The following STAG1 variants were observed in gnomAD, a reference collection of about 807,000 sequenced individuals.
STAG1 encodes the protein STAG1 cohesin complex component.
A neutral mutation model predicts 170.9 loss-of-function variants in STAG1; 26 were observed. The ratio of observed to expected loss-of-function variants is 0.15; its 90% CI spans 0.11 to 0.21. The LOEUF is 0.21. STAG1 is among the 10% of genes least tolerant of loss of function. STAG1 has a pLI of 1.00. For missense variants in STAG1, 964 were observed against 1,509.5 expected, an observed-to-expected ratio of 0.64 and a Z score of 5.99; for synonymous variants, 514 against 497.7, an observed-to-expected ratio of 1.03 and a Z score of -0.44.
At chr3:136,531,150 C>T (rs981789586) in intron 6 of STAG1, among the ~76,000 whole-genome samples, 3 of 151,712 alleles carry the variant, frequency 2.0e-5, no homozygotes, top group Middle Eastern at 3.2e-3. Flanking sequence ...CCAAAAAACA[C>T]ATGAAAAAAT....
intron 14 of STAG1, among the ~76,000 whole-genome samples, chr3:136,451,208 G>A (rs1483042677): frequency 7.4e-5 from 11 of 148,782 alleles, no homozygotes; most frequent in Admixed American, 4.0e-4. Flanking sequence ...TGGAAAAACC[G>A]AAGTTTACTT....
intron 1 of STAG1, among the ~76,000 whole-genome samples, chr3:136,714,679 G>C (rs1943472173): frequency 6.6e-6 from 1 of 151,960 alleles, no homozygotes; most frequent in African/African-American, 2.4e-5. Context: ...AGTGAGCCAA[G>C]ATCGTGCCAC....
intron 1 of STAG1, among the ~76,000 whole-genome samples, chr3:136,738,719 T>C (rs146093412): frequency 1.6e-4 from 24 of 152,326 alleles, no homozygotes; most frequent in East Asian, 1.3e-3. Flanking sequence ...AAGAGATCTA[T>C]TGCACCACAT....
chr3:136,529,081 G>C (rs1935228114), intron 6 of STAG1, among the ~76,000 whole-genome samples: 1 of 152,060 alleles, frequency 6.6e-6, no homozygotes. Context: ...ATGAGTATCA[G>C]AGCCTGAACA....
intron 6 of STAG1, among the ~76,000 whole-genome samples, chr3:136,538,938 T>C (rs1209298377): frequency 6.6e-6 from 1 of 151,942 alleles, no homozygotes; most frequent in Non-Finnish European, 1.5e-5. Context: ...ATCAAGATCA[T>C]CCTGGCTGAC....
intron 21 of STAG1, among the ~76,000 whole-genome samples, chr3:136,407,323 C>A (rs945327446): frequency 1.3e-5 from 2 of 152,134 alleles, no homozygotes; most frequent in Non-Finnish European, 2.9e-5. Context: ...CTGTGCCCAG[C>A]CTCTTTCATT....
At chr3:136,674,368 C>T (rs546486837) in intron 1 of STAG1, among the ~76,000 whole-genome samples, 1 of 152,216 alleles carries the variant, frequency 6.6e-6, no homozygotes, top group Non-Finnish European at 1.5e-5. Flanking sequence ...TCTTAAAAGA[C>T]ATTTGGCTTA....
chr3:136,453,334 A>G (rs1408027417), intron 13 of STAG1, among the ~76,000 whole-genome samples: 4 of 152,108 alleles, frequency 2.6e-5, no homozygotes, highest in Non-Finnish European at 5.9e-5. Context: ...GCTCACGCCT[A>G]TAATCCCAGC....
At chr3:136,456,945 CCAGA>C (rs1279668292) in intron 13 of STAG1, among the ~76,000 whole-genome samples, 1 of 152,056 alleles carries the variant, frequency 6.6e-6, no homozygotes, top group African/African-American at 2.4e-5. Flanking sequence ...AAAGACTTTC[CCAGA>C]CAAATAGAAG....
intron 21 of STAG1, among the ~76,000 whole-genome samples, chr3:136,405,521 C>T (rs1391098272): frequency 2.0e-5 from 3 of 151,594 alleles, no homozygotes; most frequent in Non-Finnish European, 4.4e-5. Flanking sequence ...GGATTATAGA[C>T]ATAGGACACC....
chr3:136,468,119 A>C (rs887716896), intron 12 of STAG1, among the ~76,000 whole-genome samples: 2 of 152,194 alleles, frequency 1.3e-5, no homozygotes, highest in African/African-American at 4.8e-5. Context: ...GAGCAAACAC[A>C]TTCTAAAGCT....
At chr3:136,716,380 T>C (rs1471328329) in intron 1 of STAG1, among the ~76,000 whole-genome samples, 2 of 151,996 alleles carry the variant, frequency 1.3e-5, no homozygotes, top group Non-Finnish European at 2.9e-5. Flanking sequence ...GTAGAATTAT[T>C]TGAACCCTAC....
chr3:136,697,334 T>A (rs571473474), intron 1 of STAG1, among the ~76,000 whole-genome samples: 1 of 152,218 alleles, frequency 6.6e-6, no homozygotes, highest in Non-Finnish European at 1.5e-5. Context: ...ACTAAAAGCA[T>A]CTGCATCAAC....
chr3:136,419,548 G>T (rs774821761), intron 20 of STAG1, among the ~76,000 whole-genome samples: 1 of 151,382 alleles, frequency 6.6e-6, no homozygotes, highest in African/African-American at 2.4e-5. Context: ...GGGTTCAAGC[G>T]ATTCTCGTGC....
intron 1 of STAG1, among the ~76,000 whole-genome samples, chr3:136,682,462 T>TATAC (rs1559948453): frequency 6.7e-6 from 1 of 149,804 alleles, no homozygotes. Flanking sequence ...TATATATATA[T>TATAC]ACACATATGG....
chr3:136,406,062 T>C (rs547135344), intron 21 of STAG1, among the ~76,000 whole-genome samples: 1 of 152,278 alleles, frequency 6.6e-6, no homozygotes, highest in South Asian at 2.1e-4. Context: ...AATGAGTACT[T>C]ATGAATTCAG....
In STAG1 at chr3:136,593,927, T is replaced by C. The variant is rs373589782; in HGVS notation, c.297+10382A>G. Reference sequence around the variant, plus strand: ...TTCTCCCCATCTTTGTCATGAAGTTTCATTTTAATCAATAGTATATGTGTC... The same window carrying C: ...TTCTCCCCATCTTTGTCATGAAGTTCCATTTTAATCAATAGTATATGTGTC... On this transcript the variant is annotated intron_variant, in intron 4 of 33. Coordinates refer to ENST00000383202, the MANE Select transcript of STAG1 (RefSeq NM_005862.3). Among the ~76,000 whole-genome samples, 12 of 152,332 alleles carry C rather than the reference T, an allele frequency of 7.9e-5. No individual in the cohort carries two copies. The East Asian group carries it at 1.9e-3, about 24-fold the overall frequency.
At chr3:136,738,979 G>A (rs904197995) in intron 1 of STAG1, among the ~76,000 whole-genome samples, 1 of 152,050 alleles carries the variant, frequency 6.6e-6, no homozygotes, top group Non-Finnish European at 1.5e-5. Flanking sequence ...TCTTAAAAAT[G>A]AGAAAATCGA....
At chr3:136,432,369 C>A (rs1357318900) in intron 16 of STAG1, among the ~76,000 whole-genome samples, 1 of 152,154 alleles carries the variant, frequency 6.6e-6, no homozygotes, top group Non-Finnish European at 1.5e-5. Flanking sequence ...TATAGCCCTA[C>A]TGAGAAGCCA....
Sources: gnomAD v4.1 joint callset for allele counts (sites outside exome capture counted in the v4.1 genomes callset) on GRCh38, gnomAD v4.1.1 for gene constraint, MANE v1.5 for transcripts, NCBI Gene and HGNC (gene_info 2026-07-23, HGNC 2026-07-21) for gene names.